PCDHA1: variants seen among roughly 807,000 people sequenced by gnomAD.
PCDHA1 encodes protocadherin alpha 1.
Under a neutral mutation model 61.3 loss-of-function variants are expected in PCDHA1, and 42 were observed. The observed-to-expected ratio is 0.69, with a 90% CI of 0.54 to 0.89. The LOEUF is 0.89. PCDHA1 is among the 40% of genes least tolerant of loss of function. The pLI is 0.00. For missense variants in PCDHA1, 1,256 were observed against 1,235.3 expected, an observed-to-expected ratio of 1.02 and a Z score of -0.25; for synonymous variants, 610 against 553.8, an observed-to-expected ratio of 1.10 and a Z score of -1.43.
chr5:140,877,797 C>T, intron 1 of PCDHA1: 1 of 1,613,630 alleles, frequency 6.2e-7, no homozygotes. Flanking sequence ...TCAGCCCAAG[C>T]CTTCAGCTGT....
intron 1 of PCDHA1, among the ~76,000 whole-genome samples, chr5:140,959,004 C>G (rs1554223791): frequency 6.6e-6 from 1 of 151,642 alleles, no homozygotes; most frequent in African/African-American, 2.4e-5. Flanking sequence ...TTTACTGTAC[C>G]TAATTTATAC....
intron 1 of PCDHA1, among the ~76,000 whole-genome samples, chr5:140,952,040 G>T (rs1243206064): frequency 1.3e-5 from 2 of 152,216 alleles, no homozygotes; most frequent in African/African-American, 4.8e-5. Context: ...CAGTAGGGCA[G>T]TTATTAAATC....
At chr5:140,882,768 C>T (rs1554175511) in intron 1 of PCDHA1, 1 of 1,614,222 alleles carries the variant, frequency 6.2e-7, no homozygotes, top group East Asian at 2.2e-5. Context: ...GTAAACTCGG[C>T]ATTGACCTAC....
At chr5:140,792,746 A>G (rs1761726734) in intron 1 of PCDHA1, among the ~76,000 whole-genome samples, 1 of 152,208 alleles carries the variant, frequency 6.6e-6, no homozygotes, top group Non-Finnish European at 1.5e-5. Flanking sequence ...AATTCCTTCT[A>G]TGTGTCAACA....
At chr5:140,887,059 C>G (rs1474485995) in intron 1 of PCDHA1, among the ~76,000 whole-genome samples, 1 of 151,642 alleles carries the variant, frequency 6.6e-6, no homozygotes, top group Non-Finnish European at 1.5e-5. Flanking sequence ...TATGTTCTGG[C>G]AACAAATTCA....
intron 1 of PCDHA1, chr5:140,801,906 G>C (rs1554121756): frequency 6.2e-7 from 1 of 1,614,068 alleles, no homozygotes; most frequent in African/African-American, 1.3e-5. Flanking sequence ...AGATGTAAAC[G>C]ACAACGCCCC....
At position 140,786,276 on chromosome 5, in the gene PCDHA1, T is replaced by C; in HGVS notation, c.-15T>C. On this transcript the variant is annotated 5_prime_UTR_variant, in exon 1 of 4. Transcript: ENST00000504120. ...AAGTAAGAGGAGAGCATAAGAAAGG[T>C]GTAGTCCTTTTGCAATGGTGTTTTC... 6.3e-7 allele frequency: 1 copy of C among 1,584,422 alleles called. No homozygotes were observed. The highest frequency in any genetic ancestry group is 8.6e-7 in the Non-Finnish European group (1 of 1,166,520).
At chr5:140,842,540 T>A in intron 1 of PCDHA1, 1 of 1,610,630 alleles carries the variant, frequency 6.2e-7, no homozygotes. Context: ...TTACTACTCG[T>A]TGGTGCTGGA....
chr5:140,793,352 C>G (rs1761767847), intron 1 of PCDHA1, among the ~76,000 whole-genome samples: 2 of 152,126 alleles, frequency 1.3e-5, no homozygotes, highest in South Asian at 2.1e-4. Flanking sequence ...ACAGGATTCT[C>G]TGGTTTATTT....
intron 1 of PCDHA1, among the ~76,000 whole-genome samples, chr5:140,976,011 CTAAA>C (rs2096695708): frequency 6.6e-6 from 1 of 152,110 alleles, no homozygotes; most frequent in African/African-American, 2.4e-5. Context: ...TATTAAAGAA[CTAAA>C]TAATCACAGT....
intron 1 of PCDHA1, chr5:140,803,714 AGTTTTGTG>A (rs1413434570): frequency 1.9e-5 from 28 of 1,505,640 alleles, no homozygotes; most frequent in Non-Finnish European, 2.3e-5. Flanking sequence ...AGACTTTTCC[AGTTTTGTG>A]GTTTTGTGGT....
intron 1 of PCDHA1, chr5:140,877,081 G>A: frequency 6.2e-7 from 1 of 1,613,120 alleles, no homozygotes; most frequent in Non-Finnish European, 8.5e-7. Flanking sequence ...CCAGGTGAGC[G>A]CGCGCGACGC....
Position 141,000,393 on chromosome 5 carries a change from CTCTATA to C in PCDHA1, c.2543-9232_2543-9227del, listed in dbSNP as rs1213195269. 6.1e-3 allele frequency among the ~76,000 whole-genome samples: 322 copies of C among 52,630 alleles called. 2 individuals are homozygous for C. Among genetic ancestry groups the C allele is most frequent in the Admixed American group, 0.01 (36 of 3,506 alleles). 34.5% of individuals were successfully genotyped at this position (52,630 alleles called of 152,430 possible). A position where few individuals can be genotyped will look rare whatever the true frequency, so the allele number is the denominator to read the frequency against. ...TCTCTCTCTCTCTCTCTCTCTCTCT[CTCTATA>C]TATATATATATATATATATATATTT... On this transcript the variant is annotated intron_variant, in intron 3 of 3. Transcript: ENST00000504120.
chr5:140,809,581 A>G (rs1764501177), intron 1 of PCDHA1: 1 of 1,552,852 alleles, frequency 6.4e-7, no homozygotes, highest in Non-Finnish European at 8.7e-7. Context: ...AGGTTAGTGT[A>G]TAACATCCTT....
chr5:140,855,355 C>T (rs1489669614), intron 1 of PCDHA1, among the ~76,000 whole-genome samples: 3 of 149,796 alleles, frequency 2.0e-5, no homozygotes, highest in African/African-American at 7.3e-5. Context: ...AGTCATGTGG[C>T]TAGTGAGTAG....
Position 140,821,010 on chromosome 5 carries a change from C to G in PCDHA1, c.2394+32326C>G, listed in dbSNP as rs1020612182. ...TATAGATAAAGAAATAGGTTTTCAT[C>G]GATTTGAAAATTAGAACTCCGAGAA... On this transcript the variant is annotated intron_variant, in intron 1 of 3. Coordinates refer to ENST00000504120, the MANE Select transcript of PCDHA1 (RefSeq NM_018900.4). Among the ~76,000 whole-genome samples the G allele has an allele frequency of 3.3e-5, 5 of 151,734 alleles. No homozygotes were observed. In the South Asian group the frequency reaches 1.0e-3, roughly 32 times the overall value.
chr5:140,862,315 C>T, intron 1 of PCDHA1: 1 of 317,364 alleles, frequency 3.2e-6, no homozygotes, highest in Non-Finnish European at 6.2e-6. Context: ...CCGTCATAGC[C>T]CTAATCAGTG....
chr5:140,876,729 G>C lies in PCDHA1; in HGVS notation c.2394+88045G>C, dbSNP rs781841207. The C allele has an allele frequency of 3.1e-6, 5 of 1,614,102 alleles. No homozygotes were observed. The East Asian group carries it at 6.7e-5, about 22-fold the overall frequency. On this transcript the variant is annotated intron_variant, in intron 1 of 3. Transcript: ENST00000504120. ...GCGCCCTGGACCGCGAGAGCGTGTC[G>C]GCCTATGAGCTGGTGGTGACTGCGC...
At chr5:140,881,304 C>T (rs1011967816) in intron 1 of PCDHA1, 1 of 965,928 alleles carries the variant, frequency 1.0e-6, no homozygotes, top group South Asian at 4.8e-5. Flanking sequence ...AAACTTTAAC[C>T]TCCTGGTTAA....
Sources: gnomAD v4.1 joint callset for allele counts (sites outside exome capture counted in the v4.1 genomes callset) on GRCh38, gnomAD v4.1.1 for gene constraint, MANE v1.5 for transcripts, NCBI Gene and HGNC (gene_info 2026-07-23, HGNC 2026-07-21) for gene names.